EPRS1: variants seen among roughly 807,000 people sequenced by gnomAD.
The protein encoded by EPRS1 is glutamyl-prolyl-tRNA synthetase 1.
EPRS1 carries 107 observed loss-of-function variants against 188.3 expected under a neutral mutation model. The observed-to-expected ratio is 0.57, with a 90% CI of 0.49 to 0.67. The LOEUF (loss-of-function observed/expected upper bound fraction) is 0.67. Ranked by LOEUF, EPRS1 falls within the 30% of genes least tolerant of loss-of-function variation. EPRS1 has a pLI of 0.00. For synonymous variants in EPRS1, 596 were observed against 593.1 expected (o/e 1.00, Z -0.07); for missense variants, 1,577 against 1,802.2 (o/e 0.88, Z 2.26).
intron 18 of EPRS1, among the ~76,000 whole-genome samples, chr1:219,994,972 T>G (rs1043079599): frequency 1.3e-5 from 2 of 152,138 alleles, no homozygotes; most frequent in Non-Finnish European, 2.9e-5. Flanking sequence ...CTTGTTTATC[T>G]CAATTAGCCT....
chr1:220,013,674 G>T (rs896700217), intron 12 of EPRS1, among the ~76,000 whole-genome samples: 1 of 152,188 alleles, frequency 6.6e-6, no homozygotes, highest in Admixed American at 6.5e-5. Flanking sequence ...AAGAAAGACA[G>T]AGCAAGCTAG....
At chr1:219,990,239 A>G (rs1033625660) in intron 18 of EPRS1, among the ~76,000 whole-genome samples, 1 of 152,090 alleles carries the variant, frequency 6.6e-6, no homozygotes, top group African/African-American at 2.4e-5. Flanking sequence ...AAAGCTATGT[A>G]TTCATATATT....
intron 6 of EPRS1, among the ~76,000 whole-genome samples, chr1:220,030,130 T>C (rs181125894): frequency 6.6e-6 from 1 of 152,350 alleles, no homozygotes; most frequent in Admixed American, 6.5e-5. Flanking sequence ...ATTTTGTTAA[T>C]TACATAATTA....
At chr1:220,002,480 T>C (rs1276619810) in intron 16 of EPRS1, among the ~76,000 whole-genome samples, 8 of 152,234 alleles carry the variant, frequency 5.3e-5, no homozygotes, top group Non-Finnish European at 1.2e-4. Flanking sequence ...ATGTTAATGA[T>C]ACTCTTGACT....
intron 24 of EPRS1, 34 bp downstream of exon 24, chr1:219,981,344 T>C: frequency 7.5e-7 from 1 of 1,329,942 alleles, no homozygotes; most frequent in Non-Finnish European, 1.0e-6. Flanking sequence ...AGAACATGAA[T>C]AATAATAGAA....
At chr1:220,009,566 A>G (rs1040606026) in intron 13 of EPRS1, among the ~76,000 whole-genome samples, 1 of 152,134 alleles carries the variant, frequency 6.6e-6, no homozygotes, top group African/African-American at 2.4e-5. Flanking sequence ...ATGAACCTGT[A>G]GTCCCAGGTA....
chr1:220,030,463 T>G lies in EPRS1; in HGVS notation c.546A>C (p.Gln182His). The change falls in exon 6 of 32, where the codon CAA becomes CAC. Residue 182 changes from glutamine (Q) to histidine (H), a missense_variant. By Grantham distance (24) the Gln-to-His change is conservative. This residue lies in a region of EPRS1 where 1,278 missense variants were observed against 1,457.4 expected (regional missense o/e 0.88). Transcript: ENST00000366923. ...GAAGCTCAACAAATTTCCCAACATCTTGCTTTTTCTCAGGTGCCTGAAAAA... is the reference window on the plus strand; with the variant it reads ...GAAGCTCAACAAATTTCCCAACATCGTGCTTTTTCTCAGGTGCCTGAAAAA... ...TKARVAPEKKQDVGKFVELPG... is the reference protein window; with the variant it reads ...TKARVAPEKKHDVGKFVELPG... 3 of 1,614,044 alleles carry G rather than the reference T, an allele frequency of 1.9e-6. No homozygotes were observed. Among genetic ancestry groups the G allele is most frequent in the South Asian group, 1.1e-5 (1 of 91,080 alleles).
chr1:220,032,448 G>A lies in EPRS1; in HGVS notation c.467C>T (p.Ala156Val), dbSNP rs771406384. ...ACCTACTGACTGGAAGGCCTGCTGG[G>A]CTTCAAGAAAGCCAAACCAACGTTT... ...HVKRWFGFLE[A>V]QQAFQSVGTK... Residue 156 changes from alanine to valine, a missense_variant, in exon 5 of 32, where the codon GCC becomes GTC. Ala to Val is a moderately conservative substitution (Grantham distance 64). This residue lies in a region of EPRS1 where 1,278 missense variants were observed against 1,457.4 expected (regional missense o/e 0.88). Coordinates refer to ENST00000366923, the MANE Select transcript of EPRS1 (RefSeq NM_004446.3). 36 of 1,613,380 alleles carry A rather than the reference G, an allele frequency of 2.2e-5. No individual in the cohort carries two copies. Among genetic ancestry groups the A allele is most frequent in the Non-Finnish European group, 2.9e-5 (34 of 1,179,710 alleles).
At chr1:220,036,455 G>A (rs1662182030) in intron 2 of EPRS1, among the ~76,000 whole-genome samples, 1 of 151,588 alleles carries the variant, frequency 6.6e-6, no homozygotes, top group Non-Finnish European at 1.5e-5. Flanking sequence ...GTGACACACT[G>A]GATAAAGAAA....
At position 219,988,807 on chromosome 1, in the gene EPRS1, G is replaced by A. The variant is rs767780831; in HGVS notation, c.2558C>T (p.Ala853Val). 6.3e-7 allele frequency: 1 copy of A among 1,590,654 alleles called. No homozygotes were observed. The highest frequency in any genetic ancestry group is 2.2e-5 in the East Asian group (1 of 44,632). The change falls in exon 19 of 32, where the codon GCT (alanine) becomes GTT (valine). Residue 853 changes from alanine to valine, a missense_variant. Transcript: ENST00000366923. Reference protein sequence around the residue: ...EKSPKAKINEAVECLLSLKAQ... With the variant: ...EKSPKAKINEVVECLLSLKAQ... Reference sequence around the variant, plus strand: ...CTTCAGGGACAGTAAGCATTCTACAGCTTCATTTATTTTAGCCTAAAATAA... The same window carrying A: ...CTTCAGGGACAGTAAGCATTCTACAACTTCATTTATTTTAGCCTAAAATAA...
intron 12 of EPRS1, among the ~76,000 whole-genome samples, chr1:220,015,111 A>G (rs2102585926): frequency 6.6e-6 from 1 of 152,330 alleles, no homozygotes; most frequent in Admixed American, 6.5e-5. Context: ...CCAGTCCAAG[A>G]GGCCCAACAT....
At chr1:220,034,751 G>A (rs1662145750) in intron 3 of EPRS1, among the ~76,000 whole-genome samples, 163 bp downstream of exon 3, 1 of 151,922 alleles carries the variant, frequency 6.6e-6, no homozygotes, top group African/African-American at 2.4e-5. Context: ...ATTTTTTTGT[G>A]ACAAAAAAAC....
At chr1:219,976,029 T>C (rs1291774238) in intron 28 of EPRS1, among the ~76,000 whole-genome samples, 3 of 152,116 alleles carry the variant, frequency 2.0e-5, no homozygotes, top group African/African-American at 7.2e-5. Flanking sequence ...AAGTACAAGA[T>C]AAGCCTACAA....
At position 220,020,302 on chromosome 1, in the gene EPRS1, T is replaced by A. The variant is rs542296781; in HGVS notation, c.1116-81A>T. 1.7e-4 allele frequency: 150 copies of A among 868,296 alleles called. No homozygotes were observed. The African/African-American group carries it at 2.5e-3, about 15-fold the overall frequency. The allele number at this position is 868,296 out of a possible 1,614,324, so 53.8% of individuals were successfully genotyped here. On this transcript the variant is annotated intron_variant, in intron 9 of 31. Transcript: ENST00000366923. ...AAGCATTATAAACAACAATACTAATTTAAAATGTAATTCTTTACAAGTTAA... is the reference window on the plus strand; with the variant it reads ...AAGCATTATAAACAACAATACTAATATAAAATGTAATTCTTTACAAGTTAA...
At chr1:220,007,657 G>GC (rs1185998378) in intron 13 of EPRS1, among the ~76,000 whole-genome samples, 2 of 152,194 alleles carry the variant, frequency 1.3e-5, no homozygotes, top group African/African-American at 4.8e-5. Flanking sequence ...ATTAGATGAG[G>GC]TAGCTTGCCC....
rs1061242 is a variant in EPRS1 at position 219,968,728 on chromosome 1, C to T, written c.*78G>A. On this transcript the variant is annotated 3_prime_UTR_variant, in exon 32 of 32. Transcript: ENST00000366923. ...TTTTACTTTTTAAAAAATCATAAAACGGTCTGTATCTGAGAAGATACTAAT... is the reference window on the plus strand; with the variant it reads ...TTTTACTTTTTAAAAAATCATAAAATGGTCTGTATCTGAGAAGATACTAAT... 624,744 of 1,334,354 alleles carry T rather than the reference C, an allele frequency of 0.47. 147,785 individuals carry two copies. The highest frequency in any genetic ancestry group is 0.52 in the South Asian group (39,321 of 75,808). 82.7% of individuals were successfully genotyped at this position (1,334,354 alleles called of 1,614,324 possible). A position where few individuals can be genotyped will look rare whatever the true frequency, so the allele number is the denominator to read the frequency against.
At chr1:219,979,725 CTT>C in intron 26 of EPRS1, 110 bp from the exon 27 acceptor site, 1 of 702,240 alleles carries the variant, frequency 1.4e-6, no homozygotes, top group Middle Eastern at 4.0e-4. Context: ...TTTTTTCTCC[CTT>C]TTTTTACATT....
At chr1:220,003,709 A>G (rs1387797248) in intron 16 of EPRS1, among the ~76,000 whole-genome samples, 1 of 152,224 alleles carries the variant, frequency 6.6e-6, no homozygotes, top group African/African-American at 2.4e-5. Context: ...AGTTGGTGGT[A>G]CCACCACCAT....
intron 20 of EPRS1, 142 bp from the exon 21 acceptor site, chr1:219,984,399 T>C: frequency 6.0e-6 from 4 of 665,352 alleles, no homozygotes; most frequent in Admixed American, 5.4e-5. Context: ...TCTATATTCA[T>C]TCCCAAGATA....
Sources: allele counts gnomAD v4.1 joint callset (sites outside exome capture counted in the v4.1 genomes callset), GRCh38; gene constraint gnomAD v4.1.1; regional missense constraint gnomAD v4.1.1; transcripts MANE v1.5; gene names NCBI Gene and HGNC (gene_info 2026-07-23, HGNC 2026-07-21).